The following RAD23B variants were observed in gnomAD, a reference collection of about 807,000 sequenced individuals.
RAD23B encodes the protein lysine-specific demethylase RAD23B.
RAD23B carries 5 observed loss-of-function variants against 49.1 expected under a neutral mutation model. The ratio of observed to expected loss-of-function variants is 0.10; its 90% confidence interval spans 0.05 to 0.21. The LOEUF (loss-of-function observed/expected upper bound fraction) is 0.21. Among genes scored for constraint, RAD23B ranks in the 10% least tolerant of loss-of-function variants. The pLI is 1.00. For missense variants in RAD23B, 356 were observed against 486.7 expected (o/e 0.73, Z 2.53); for synonymous variants, 184 against 165.4 (o/e 1.11, Z -0.86).
intron 1 of RAD23B, among the ~76,000 whole-genome samples, chr9:107,296,790 C>T (rs10816485): frequency 0.17 from 25,347 of 151,824 alleles, 2,524 homozygotes; most frequent in Admixed American, 0.24. Flanking sequence ...CCACTTCGGC[C>T]TTCCAGGGTG....
chr9:107,301,962 A>G (rs1826662940), intron 2 of RAD23B, 73 bp from the exon 3 acceptor site: 1 of 1,547,780 alleles, frequency 6.5e-7, no homozygotes, highest in Non-Finnish European at 8.7e-7. Context: ...TATTTCGAGT[A>G]GAAAGTTGTT....
intron 9 of RAD23B, 115 bp downstream of exon 9, chr9:107,325,119 A>G: frequency 1.1e-6 from 1 of 947,020 alleles, no homozygotes; most frequent in Non-Finnish European, 1.6e-6. Context: ...GTTCAAGACC[A>G]GCCTGGCCAA....
chr9:107,306,045 T>TTTTATATATATATATATATA (rs59336314), intron 3 of RAD23B, among the ~76,000 whole-genome samples: 2 of 26,796 alleles, frequency 7.5e-5, no homozygotes, highest in African/African-American at 2.6e-4. Context: ...ATGATACGGT[T>TTTTATATATATATATATATA]TATATCTATA....
intron 9 of RAD23B, among the ~76,000 whole-genome samples, chr9:107,327,701 A>C (rs947015916): frequency 2.0e-5 from 3 of 152,184 alleles, no homozygotes; most frequent in Non-Finnish European, 4.4e-5. Flanking sequence ...TTCTATGTAT[A>C]CTGAAGAAGA....
rs1054213513 is a variant in RAD23B at position 107,331,707 on chromosome 9, T to C, written c.*2051T>C. ...CTGGAAACAAAAAAAAAAAACAGCC[T>C]CTTCTTGGAAAGTGACAGCAGAAGG... On this transcript the variant is annotated 3_prime_UTR_variant, in exon 10 of 10. Transcript: ENST00000358015. The C allele has an allele frequency of 1.3e-6, 1 of 776,352 alleles. No individual in the cohort carries two copies. Among genetic ancestry groups the C allele is most frequent in the Admixed American group, 1.7e-5 (1 of 58,714 alleles). 48.1% of individuals were successfully genotyped at this position (776,352 alleles called of 1,614,324 possible).
At chr9:107,329,464 G>A in intron 9 of RAD23B, 79 bp from the exon 10 acceptor site, 2 of 910,276 alleles carry the variant, frequency 2.2e-6, no homozygotes, top group East Asian at 2.5e-5. Context: ...GTGCTATGCT[G>A]GAATCTATAA....
chr9:107,324,180 A>T (rs1304996058), intron 8 of RAD23B, among the ~76,000 whole-genome samples, 163 bp downstream of exon 8: 3 of 152,218 alleles, frequency 2.0e-5, no homozygotes, highest in East Asian at 3.8e-4. Flanking sequence ...GGTGTACTAA[A>T]AAAACAGTTG....
intron 1 of RAD23B, among the ~76,000 whole-genome samples, chr9:107,291,982 ATAAAG>A (rs1833391565): frequency 1.3e-5 from 2 of 152,206 alleles, no homozygotes; most frequent in African/African-American, 4.8e-5. Flanking sequence ...ATTATAGTAA[ATAAAG>A]TATAGTAAAA....
intron 1 of RAD23B, chr9:107,284,204 A>G: frequency 1.0e-6 from 1 of 985,790 alleles, no homozygotes. Flanking sequence ...GGTGGTGAAA[A>G]TGAATTTGCC....
chr9:107,300,908 T>C (rs1015840292), intron 2 of RAD23B, among the ~76,000 whole-genome samples: 5 of 152,206 alleles, frequency 3.3e-5, no homozygotes. Flanking sequence ...CTGGAGGAAA[T>C]GCTAACCTGG....
intron 1 of RAD23B, among the ~76,000 whole-genome samples, chr9:107,296,022 A>T (rs549938244): frequency 6.6e-6 from 1 of 152,346 alleles, no homozygotes; most frequent in East Asian, 1.9e-4. Context: ...CAGTTAACTA[A>T]GAGCTGGTAG....
chr9:107,303,804 A>T (rs528897948), intron 3 of RAD23B, among the ~76,000 whole-genome samples: 25 of 152,298 alleles, frequency 1.6e-4, no homozygotes, highest in African/African-American at 6.0e-4. Flanking sequence ...ATAGCCACAC[A>T]TTTAAATATG....
intron 5 of RAD23B, among the ~76,000 whole-genome samples, 197 bp downstream of exon 5, chr9:107,311,934 T>C (rs1184918732): frequency 1.3e-5 from 2 of 152,250 alleles, no homozygotes; most frequent in Non-Finnish European, 2.9e-5. Context: ...CTTTAAAACT[T>C]GCTCTGAGTT....
At chr9:107,314,310 A>G (rs1387919404) in intron 5 of RAD23B, among the ~76,000 whole-genome samples, 1 of 152,148 alleles carries the variant, frequency 6.6e-6, no homozygotes, top group Non-Finnish European at 1.5e-5. Flanking sequence ...AATAATGAAC[A>G]TTGTACCAAA....
At chr9:107,310,971 T>C (rs960813664) in intron 4 of RAD23B, among the ~76,000 whole-genome samples, 1 of 152,330 alleles carries the variant, frequency 6.6e-6, no homozygotes, top group Admixed American at 6.5e-5. Context: ...TGTGTATGTG[T>C]GTCTGCTTTA....
At chr9:107,290,218 T>TA (rs1833352835) in intron 1 of RAD23B, among the ~76,000 whole-genome samples, 1 of 152,230 alleles carries the variant, frequency 6.6e-6, no homozygotes, top group African/African-American at 2.4e-5. Flanking sequence ...AGCCTCTTCT[T>TA]ACTGTAGATA....
At chr9:107,295,089 G>T (rs891982254) in intron 1 of RAD23B, among the ~76,000 whole-genome samples, 1 of 151,816 alleles carries the variant, frequency 6.6e-6, no homozygotes, top group East Asian at 1.9e-4. Context: ...CGGTGGGTGG[G>T]GGGGGACTAC....
At position 107,283,380 on chromosome 9, in the gene RAD23B, C is replaced by T. The variant is rs1833195427; in HGVS notation, c.-250C>T. The T allele has an allele frequency of 4.7e-6, 2 of 427,782 alleles. No individual in the cohort carries two copies. Among genetic ancestry groups the T allele is most frequent in the Non-Finnish European group, 8.1e-6 (2 of 246,056 alleles). 26.5% of individuals were successfully genotyped at this position (427,782 alleles called of 1,614,324 possible). A position where few individuals can be genotyped will look rare whatever the true frequency, so the allele number is the denominator to read the frequency against. On this transcript the variant is annotated 5_prime_UTR_variant, in exon 1 of 10. Transcript: ENST00000358015. ...TTCTGCAGACTCCGTGGCTGGCGCT[C>T]GGCGCGTGAGGAAGCACGGCGGCCC...
At chr9:107,307,495 A>G (rs889769829) in intron 4 of RAD23B, among the ~76,000 whole-genome samples, 3 of 152,186 alleles carry the variant, frequency 2.0e-5, no homozygotes, top group Non-Finnish European at 2.9e-5. Context: ...CTGGCACTAC[A>G]GCTGTTTGTA....
Sources: allele counts gnomAD v4.1 joint callset (sites outside exome capture counted in the v4.1 genomes callset), GRCh38; gene constraint gnomAD v4.1.1; transcripts MANE v1.5; gene names NCBI Gene and HGNC (gene_info 2026-07-23, HGNC 2026-07-21).